Variants in ZHX3 observed in about 807,000 individuals in gnomAD.
ZHX3 encodes the protein zinc fingers and homeoboxes 3, also known as zinc fingers and homeoboxes protein 3.
Under a neutral mutation model 64.5 loss-of-function variants are expected in ZHX3, and 20 were observed. That is an observed-to-expected ratio of 0.31 (90% CI 0.22 to 0.45). The LOEUF (loss-of-function observed/expected upper bound fraction) is 0.45, where lower values mean the gene tolerates loss of function less well. ZHX3 is among the 20% of genes least tolerant of loss of function. The pLI is 1.00. For missense variants in ZHX3, 1,041 were observed against 1,195.8 expected, an observed-to-expected ratio of 0.87 and a Z score of 1.91; for synonymous variants, 423 against 461.6, an observed-to-expected ratio of 0.92 and a Z score of 1.07.
intron 2 of ZHX3, among the ~76,000 whole-genome samples, chr20:41,225,402 C>T (rs1057116802): frequency 1.3e-5 from 2 of 152,228 alleles, no homozygotes; most frequent in South Asian, 4.1e-4. Flanking sequence ...GCTAGAGGTA[C>T]ATCAGCTGTT....
At chr20:41,209,415 C>T (rs1013729610) in intron 2 of ZHX3, among the ~76,000 whole-genome samples, 3 of 152,174 alleles carry the variant, frequency 2.0e-5, no homozygotes, top group Admixed American at 1.3e-4. Flanking sequence ...AACTTGGAGG[C>T]ATCATGCTAC....
chr20:41,184,904 T>C lies in ZHX3; in HGVS notation c.*287A>G, dbSNP rs1050164994. The C allele has an allele frequency of 5.9e-6, 9 of 1,529,454 alleles. No individual in the cohort carries two copies. Among genetic ancestry groups the C allele is most frequent in the Non-Finnish European group, 7.9e-6 (9 of 1,140,776 alleles). 94.7% of individuals were successfully genotyped at this position (1,529,454 alleles called of 1,614,324 possible). A position where few individuals can be genotyped will look rare whatever the true frequency, so the allele number is the denominator to read the frequency against. Reference sequence around the variant, plus strand: ...AAGCTTGATTCTGTGTCTATGAATATGACTATGAACTCTGAACTATTTTAT... The same window carrying C: ...AAGCTTGATTCTGTGTCTATGAATACGACTATGAACTCTGAACTATTTTAT... On this transcript the variant is annotated 3_prime_UTR_variant, in exon 4 of 4. Coordinates refer to ENST00000683867, the MANE Select transcript of ZHX3 (RefSeq NM_001384317.1).
At position 41,284,833 on chromosome 20, in the gene ZHX3, C is replaced by T. The variant is rs537274480; in HGVS notation, c.-244-15750G>A. Among the ~76,000 whole-genome samples the T allele has an allele frequency of 7.8e-4, 119 of 152,286 alleles. 2 individuals are homozygous for T. Among genetic ancestry groups the T allele is most frequent in the African/African-American group, 2.8e-3 (117 of 41,560 alleles). ...TCCACCAAACTAACCACCCCTCTCTCCTAAGCTCCATCCTACCCCCTACAC... is the reference window on the plus strand; with the variant it reads ...TCCACCAAACTAACCACCCCTCTCTTCTAAGCTCCATCCTACCCCCTACAC... On this transcript the variant is annotated intron_variant, in intron 1 of 3. Transcript: ENST00000683867.
At chr20:41,252,088 T>C (rs995085194) in intron 2 of ZHX3, among the ~76,000 whole-genome samples, 1 of 152,204 alleles carries the variant, frequency 6.6e-6, no homozygotes, top group African/African-American at 2.4e-5. Context: ...TCTTTATCAT[T>C]GCTAGCCACC....
At chr20:41,241,698 CT>C (rs889451743) in intron 2 of ZHX3, among the ~76,000 whole-genome samples, 2 of 152,036 alleles carry the variant, frequency 1.3e-5, no homozygotes, top group African/African-American at 4.8e-5. Context: ...CAGTTTTGTT[CT>C]TTTTGCTCTG....
At chr20:41,313,978 G>A (rs1421380085) in intron 1 of ZHX3, among the ~76,000 whole-genome samples, 1 of 152,144 alleles carries the variant, frequency 6.6e-6, no homozygotes, top group African/African-American at 2.4e-5. Context: ...TATATTTGGA[G>A]GATAAGAAAA....
At chr20:41,268,258 G>C in intron 2 of ZHX3, among the ~76,000 whole-genome samples, 1 of 152,068 alleles carries the variant, frequency 6.6e-6, no homozygotes, top group South Asian at 2.1e-4. Context: ...TCAGCTTACT[G>C]GACAAAGTTT....
chr20:41,239,339 C>G (rs1055551439), intron 2 of ZHX3, among the ~76,000 whole-genome samples: 1 of 152,058 alleles, frequency 6.6e-6, no homozygotes, highest in Non-Finnish European at 1.5e-5. Flanking sequence ...CTTTCTACTT[C>G]GTCAACCACA....
intron 1 of ZHX3, among the ~76,000 whole-genome samples, chr20:41,288,569 G>A (rs1381643526): frequency 1.3e-5 from 2 of 152,166 alleles, no homozygotes; most frequent in Non-Finnish European, 2.9e-5. Context: ...ACACACTGGT[G>A]GTGCACAGGC....
At chr20:41,257,351 T>C (rs1256959322) in intron 2 of ZHX3, among the ~76,000 whole-genome samples, 2 of 152,156 alleles carry the variant, frequency 1.3e-5, no homozygotes, top group Non-Finnish European at 2.9e-5. Flanking sequence ...TTCATGAAAA[T>C]CTCTCATCGT....
At chr20:41,290,817 T>A (rs2044197922) in intron 1 of ZHX3, among the ~76,000 whole-genome samples, 1 of 152,152 alleles carries the variant, frequency 6.6e-6, no homozygotes, top group Non-Finnish European at 1.5e-5. Context: ...GTCTAAATGA[T>A]CATGTGGAAA....
At chr20:41,187,323 C>CAAA (rs57588943) in intron 3 of ZHX3, among the ~76,000 whole-genome samples, 1 of 77,470 alleles carries the variant, frequency 1.3e-5, no homozygotes, top group Non-Finnish European at 2.5e-5. Context: ...GAACCTGTCT[C>CAAA]AAAAAAAAAA....
At chr20:41,286,796 G>A (rs1214615494) in intron 1 of ZHX3, among the ~76,000 whole-genome samples, 1 of 152,178 alleles carries the variant, frequency 6.6e-6, no homozygotes, top group African/African-American at 2.4e-5. Flanking sequence ...CATGTCAAAG[G>A]AGGGACCTGG....
At chr20:41,196,863 T>C (rs2037752792) in intron 3 of ZHX3, 1 of 170,300 alleles carries the variant, frequency 5.9e-6, no homozygotes, top group South Asian at 1.5e-4. Flanking sequence ...ACAGCCTCAA[T>C]ATCCTCAGAA....
rs184975954 is a variant in ZHX3 at position 41,225,639 on chromosome 20, C to G, written c.-150-20573G>C. 3.5e-4 allele frequency among the ~76,000 whole-genome samples: 53 copies of G among 152,136 alleles called. 1 individual carries two copies. Among genetic ancestry groups the G allele is most frequent in the Non-Finnish European group, 7.4e-4 (50 of 68,010 alleles). ...AGTAGCTGGGATTATAGGCACCTAC[C>G]ACCACGCAGGGCTAATTTTTGTACT... On this transcript the variant is annotated intron_variant, in intron 2 of 3. Transcript: ENST00000683867.
At chr20:41,310,801 ATTTTTT>A (rs72312127) in intron 1 of ZHX3, among the ~76,000 whole-genome samples, 7 of 82,160 alleles carry the variant, frequency 8.5e-5, no homozygotes, top group Admixed American at 6.5e-4. Flanking sequence ...GTTAATTCTG[ATTTTTT>A]TTTTTTTTTT....
At chr20:41,251,795 TGATA>T (rs1214602256) in intron 2 of ZHX3, among the ~76,000 whole-genome samples, 4 of 152,000 alleles carry the variant, frequency 2.6e-5, no homozygotes, top group Non-Finnish European at 4.4e-5. Context: ...GGATAAGACA[TGATA>T]AATAAATACA....
rs535568966 is a variant in ZHX3 at position 41,292,378 on chromosome 20, G to A, written c.-244-23295C>T. 4.7e-4 allele frequency among the ~76,000 whole-genome samples: 72 copies of A among 152,268 alleles called. 1 individual carries two copies. The highest frequency in any genetic ancestry group is 1.7e-3 in the African/African-American group (72 of 41,570). On this transcript the variant is annotated intron_variant, in intron 1 of 3. Transcript: ENST00000683867. ...CAAAATAAACAAGTGCAAATGCTTT[G>A]TTGTCTAAACTTCTTTACTTTCTAA...
At chr20:41,287,153 G>T (rs2043976553) in intron 1 of ZHX3, among the ~76,000 whole-genome samples, 1 of 152,078 alleles carries the variant, frequency 6.6e-6, no homozygotes, top group African/African-American at 2.4e-5. Context: ...ATTCTGATTT[G>T]AATAACAGGA....
Sources: gnomAD v4.1 joint callset for allele counts (sites outside exome capture counted in the v4.1 genomes callset) on GRCh38, gnomAD v4.1.1 for gene constraint, MANE v1.5 for transcripts, NCBI Gene and HGNC (gene_info 2026-07-23, HGNC 2026-07-21) for gene names.